The following RAB6A variants were observed in gnomAD, a reference collection of about 807,000 sequenced individuals.
RAB6A encodes ras-related protein Rab-6A.
A neutral mutation model predicts 32.3 loss-of-function variants in RAB6A; 8 were observed. That is an observed-to-expected ratio of 0.25 (90% CI 0.15 to 0.45). RAB6A has a LOEUF of 0.45. Among genes scored for constraint, RAB6A ranks in the 20% least tolerant of loss-of-function variants. The pLI, the probability that RAB6A is intolerant of heterozygous loss-of-function variation, is 1.00. For missense variants in RAB6A, 104 were observed against 249.4 expected, an observed-to-expected ratio of 0.42 and a Z score of 3.93; for synonymous variants, 73 against 82.1, an observed-to-expected ratio of 0.89 and a Z score of 0.60.
chr11:73,748,621 C>G (rs1838094575), intron 1 of RAB6A, among the ~76,000 whole-genome samples: 1 of 152,144 alleles, frequency 6.6e-6, no homozygotes, highest in South Asian at 2.1e-4. Context: ...AGCTATGTAA[C>G]AGCTAACAGG....
chr11:73,739,284 A>AT (rs1555066942), intron 1 of RAB6A, among the ~76,000 whole-genome samples: 8 of 6,758 alleles, frequency 1.2e-3, no homozygotes, highest in East Asian at 0.025. Context: ...AAAAAAAAAA[A>AT]ATATATATAT....
chr11:73,738,057 C>T (rs1443534182), intron 1 of RAB6A, among the ~76,000 whole-genome samples: 1 of 150,270 alleles, frequency 6.7e-6, no homozygotes, highest in Admixed American at 6.6e-5. Context: ...AAACTGTATA[C>T]TTGATACAAG....
At chr11:73,725,315 CATT>C (rs1946199372) in intron 2 of RAB6A, among the ~76,000 whole-genome samples, 1 of 152,168 alleles carries the variant, frequency 6.6e-6, no homozygotes, top group African/African-American at 2.4e-5. Flanking sequence ...ACACTAGCAA[CATT>C]AATGTATTCA....
In RAB6A at chr11:73,677,802, GA is replaced by G; in HGVS notation, c.*95del. 1.3e-6 allele frequency: 2 copies of G among 1,595,516 alleles called. No individual in the cohort carries two copies. Among genetic ancestry groups the G allele is most frequent in the Non-Finnish European group, 1.7e-6 (2 of 1,164,890 alleles). On this transcript the variant is annotated 3_prime_UTR_variant, in exon 8 of 8. Coordinates refer to ENST00000336083, the MANE Select transcript of RAB6A (RefSeq NM_198896.2). ...AATTGCAATACGTTATTACTGAAGG[GA>G]AAAGGTTCAAGCCAATATTCACACT...
chr11:73,741,461 T>C (rs542146834), intron 1 of RAB6A, among the ~76,000 whole-genome samples: 1 of 151,764 alleles, frequency 6.6e-6, no homozygotes, highest in African/African-American at 2.4e-5. Context: ...TACCATATGA[T>C]CCAGCGACCA....
chr11:73,687,625 G>A (rs942855128), intron 6 of RAB6A, among the ~76,000 whole-genome samples: 1 of 152,226 alleles, frequency 6.6e-6, no homozygotes, highest in Non-Finnish European at 1.5e-5. Flanking sequence ...GGAGGCCGAG[G>A]TGGGCGGATC....
chr11:73,758,816 A>G (rs1525751), intron 1 of RAB6A, among the ~76,000 whole-genome samples: 12,933 of 152,224 alleles, frequency 0.085, 726 homozygotes, highest in African/African-American at 0.16. Flanking sequence ...CCAATAAACT[A>G]TATTTTATGT....
chr11:73,725,491 C>T (rs1352819656), intron 2 of RAB6A, among the ~76,000 whole-genome samples: 1 of 152,146 alleles, frequency 6.6e-6, no homozygotes, highest in East Asian at 1.9e-4. Flanking sequence ...AATGGACTTG[C>T]AGTTCCACAT....
chr11:73,713,706 A>ATT (rs1946003583), intron 5 of RAB6A, among the ~76,000 whole-genome samples: 1 of 152,220 alleles, frequency 6.6e-6, no homozygotes, highest in African/African-American at 2.4e-5. Context: ...CATGCTTATA[A>ATT]AAGCCCAAAA....
intron 7 of RAB6A, 140 bp from the exon 8 acceptor site, chr11:73,678,102 C>A: frequency 1.2e-6 from 1 of 834,148 alleles, no homozygotes. Flanking sequence ...GCCGCCTCAC[C>A]ATATAAGGTG....
intron 6 of RAB6A, among the ~76,000 whole-genome samples, chr11:73,693,877 C>G (rs558043980): frequency 1.2e-4 from 18 of 151,564 alleles, no homozygotes; most frequent in African/African-American, 4.4e-4. Context: ...AAAAAAAAAG[C>G]TAGGTAAGAG....
chr11:73,691,226 C>T (rs1446981620), intron 6 of RAB6A, among the ~76,000 whole-genome samples: 1 of 152,156 alleles, frequency 6.6e-6, no homozygotes, highest in East Asian at 1.9e-4. Context: ...GGGACTCTGG[C>T]TGTGGGGTCA....
chr11:73,753,795 G>A (rs1324795545), intron 1 of RAB6A, among the ~76,000 whole-genome samples: 1 of 151,444 alleles, frequency 6.6e-6, no homozygotes, highest in Non-Finnish European at 1.5e-5. Context: ...TTACAGGCGT[G>A]AGCCACCACG....
chr11:73,722,063 A>ATATATATATATATATATATATATATTTT (rs1475291151), intron 2 of RAB6A, among the ~76,000 whole-genome samples: 1 of 146,162 alleles, frequency 6.8e-6, no homozygotes, highest in Non-Finnish European at 1.6e-5. Flanking sequence ...CATGATTGTA[A>ATATATATATATATATATATATATATTTT]GTTTCCTGAG....
intron 7 of RAB6A, among the ~76,000 whole-genome samples, chr11:73,678,672 G>A (rs558362290): frequency 6.6e-6 from 1 of 150,482 alleles, no homozygotes; most frequent in Non-Finnish European, 1.5e-5. Flanking sequence ...AACATTTTTT[G>A]TTGTTGTTGT....
chr11:73,724,988 T>C (rs1481403003), intron 2 of RAB6A, among the ~76,000 whole-genome samples: 2 of 152,100 alleles, frequency 1.3e-5, no homozygotes, highest in Non-Finnish European at 2.9e-5. Flanking sequence ...AATGAAGATG[T>C]TGAGAATGAC....
chr11:73,739,304 T>TATATATATATATATAAAA (rs375733945), intron 1 of RAB6A, among the ~76,000 whole-genome samples: 1 of 31,856 alleles, frequency 3.1e-5, no homozygotes. Context: ...TATATATATA[T>TATATATATATATATAAAA]AAATACTGGA....
chr11:73,734,683 C>G (rs891326501), intron 1 of RAB6A, among the ~76,000 whole-genome samples: 16 of 152,150 alleles, frequency 1.1e-4, no homozygotes, highest in African/African-American at 3.6e-4. Flanking sequence ...GTTCTCGCTC[C>G]TATGAGAATC....
chr11:73,718,761 G>T (rs745820832), intron 3 of RAB6A, 43 bp from the exon 4 acceptor site: 1 of 1,613,764 alleles, frequency 6.2e-7, no homozygotes. Flanking sequence ...AATAAGAAAG[G>T]TCAACCCGTT....
Sources: allele counts gnomAD v4.1 joint callset (sites outside exome capture counted in the v4.1 genomes callset), GRCh38; gene constraint gnomAD v4.1.1; transcripts MANE v1.5; gene names NCBI Gene and HGNC (gene_info 2026-07-23, HGNC 2026-07-21).